Variants in DNM3 observed in about 807,000 individuals in gnomAD.
DNM3 encodes dynamin 3.
Under a neutral mutation model 101.6 loss-of-function variants are expected in DNM3, and 47 were observed. That is an observed-to-expected ratio of 0.46 (90% CI 0.37 to 0.59). The LOEUF (loss-of-function observed/expected upper bound fraction) is 0.59, where lower values mean the gene tolerates loss of function less well. Among genes scored for constraint, DNM3 ranks in the 20% least tolerant of loss-of-function variants. The probability of loss-of-function intolerance (pLI) is 0.00; values close to 1 mark genes in which losing one functional copy is unlikely to be tolerated. For missense variants in DNM3, 849 were observed against 1,085.7 expected, an observed-to-expected ratio of 0.78 and a Z score of 3.06; for synonymous variants, 385 against 387.9, an observed-to-expected ratio of 0.99 and a Z score of 0.09.
chr1:172,289,562 C>T, intron 15 of DNM3: 2 of 943,592 alleles, frequency 2.1e-6, no homozygotes, highest in Non-Finnish European at 2.5e-6. Flanking sequence ...ATATTTGGTT[C>T]TCCACATTAA....
Position 172,407,885 on chromosome 1 carries a change from A to G in DNM3, c.*44A>G. ...CAATTAATCACTAATGAATTATGCG[A>G]AAGCAACATATTTGATAACCGTTGC... On this transcript the variant is annotated 3_prime_UTR_variant, in exon 21 of 21. Coordinates refer to ENST00000627582, the MANE Select transcript of DNM3 (RefSeq NM_015569.5). 6.2e-7 allele frequency: 1 copy of G among 1,612,416 alleles called. No individual in the cohort carries two copies. The highest frequency in any genetic ancestry group is 8.5e-7 in the Non-Finnish European group (1 of 1,178,796).
At chr1:172,389,067 C>T in intron 20 of DNM3, 1 of 501,548 alleles carries the variant, frequency 2.0e-6, no homozygotes, top group South Asian at 2.7e-5. Flanking sequence ...CAATGAATGA[C>T]ATTTTGGCAG....
intron 14 of DNM3, chr1:172,144,582 GC>G: frequency 1.9e-6 from 1 of 532,746 alleles, no homozygotes; most frequent in South Asian, 1.4e-5. Flanking sequence ...CTGTACAACG[GC>G]ATTGTCCTGA....
At chr1:171,937,886 T>C (rs1034970225) in intron 2 of DNM3, among the ~76,000 whole-genome samples, 1 of 152,174 alleles carries the variant, frequency 6.6e-6, no homozygotes, top group African/African-American at 2.4e-5. Context: ...CCTGGCCAGA[T>C]CTGCATTTTC....
chr1:172,167,048 T>C (rs2058772033), intron 14 of DNM3, among the ~76,000 whole-genome samples: 1 of 152,028 alleles, frequency 6.6e-6, no homozygotes, highest in Non-Finnish European at 1.5e-5. Context: ...TAGGTATATC[T>C]CCTAATGCTA....
intron 1 of DNM3, among the ~76,000 whole-genome samples, chr1:171,849,885 A>G (rs1331193473): frequency 6.6e-6 from 1 of 152,236 alleles, no homozygotes; most frequent in Admixed American, 6.5e-5. Context: ...TAATGAACAA[A>G]ATAGACTTAA....
chr1:172,244,055 C>T (rs2061850437), intron 14 of DNM3, among the ~76,000 whole-genome samples: 1 of 152,092 alleles, frequency 6.6e-6, no homozygotes, highest in African/African-American at 2.4e-5. Flanking sequence ...GTGATATTCC[C>T]CTTCCTGTGT....
intron 2 of DNM3, among the ~76,000 whole-genome samples, chr1:171,983,253 G>A (rs530929421): frequency 3.3e-5 from 5 of 151,866 alleles, no homozygotes; most frequent in South Asian, 2.1e-4. Flanking sequence ...CCAAGAGGTC[G>A]AGACCAGCCC....
intron 4 of DNM3, 105 bp downstream of exon 4, chr1:171,989,253 T>C (rs2045478898): frequency 5.4e-6 from 5 of 929,392 alleles, no homozygotes. Context: ...ATAAATAAAT[T>C]AGCCATTATT....
intron 1 of DNM3, among the ~76,000 whole-genome samples, chr1:171,850,427 C>G (rs550709443): frequency 1.3e-5 from 2 of 152,004 alleles, no homozygotes; most frequent in South Asian, 4.2e-4. Context: ...GGTTTAGAAC[C>G]CTGTATATGT....
chr1:172,318,509 T>A (rs533839432), intron 16 of DNM3, among the ~76,000 whole-genome samples: 2 of 152,302 alleles, frequency 1.3e-5, no homozygotes, highest in East Asian at 3.9e-4. Flanking sequence ...GCCCAAAATC[T>A]CCTTAAGCTG....
intron 18 of DNM3, among the ~76,000 whole-genome samples, chr1:172,384,604 A>C (rs933747840): frequency 6.6e-6 from 1 of 152,254 alleles, no homozygotes; most frequent in African/African-American, 2.4e-5. Context: ...CCAGTGTGTC[A>C]TAATTGCTGT....
rs1348762016 is a variant in DNM3 at position 172,073,169 on chromosome 1, C to T, written c.1422+4264C>T. Among the ~76,000 whole-genome samples, 4 of 151,872 alleles carry T rather than the reference C, an allele frequency of 2.6e-5. No homozygotes were observed. In the East Asian group the frequency reaches 7.8e-4, roughly 29 times the overall value. ...ATAGATATACACACACATACACAAA[C>T]ACACATATATGTATATATAGTGTAT... On this transcript the variant is annotated intron_variant, in intron 11 of 20. Coordinates refer to ENST00000627582, the MANE Select transcript of DNM3 (RefSeq NM_015569.5).
At chr1:172,372,022 G>A (rs1469369013) in intron 17 of DNM3, among the ~76,000 whole-genome samples, 3 of 146,080 alleles carry the variant, frequency 2.1e-5, no homozygotes, top group Non-Finnish European at 4.5e-5. Flanking sequence ...CCACTAACTC[G>A]TCATCTAGCA....
intron 1 of DNM3, among the ~76,000 whole-genome samples, chr1:171,899,111 A>G (rs571438491): frequency 2.0e-5 from 3 of 152,304 alleles, no homozygotes; most frequent in Admixed American, 6.5e-5. Flanking sequence ...GCCCAGCTGC[A>G]AGAGCAGTGG....
At chr1:172,200,337 G>C (rs1033883314) in intron 14 of DNM3, among the ~76,000 whole-genome samples, 1 of 152,134 alleles carries the variant, frequency 6.6e-6, no homozygotes, top group South Asian at 2.1e-4. Context: ...TGCCTTTGAA[G>C]TTCTTTCTTT....
chr1:171,905,546 A>C (rs2038748975), intron 1 of DNM3, among the ~76,000 whole-genome samples: 1 of 152,026 alleles, frequency 6.6e-6, no homozygotes, highest in African/African-American at 2.4e-5. Flanking sequence ...CCTGAGGGAG[A>C]CCTGTCTCAA....
intron 1 of DNM3, among the ~76,000 whole-genome samples, chr1:171,842,528 G>A (rs943569753): frequency 6.6e-6 from 1 of 152,196 alleles, no homozygotes; most frequent in Non-Finnish European, 1.5e-5. Context: ...TTGTGAGAGA[G>A]CCCGAGGCAC....
At chr1:171,994,046 CAT>C (rs1470553108) in intron 4 of DNM3, among the ~76,000 whole-genome samples, 1 of 151,600 alleles carries the variant, frequency 6.6e-6, no homozygotes, top group East Asian at 1.9e-4. Flanking sequence ...GTTTTTAAAA[CAT>C]ATTTAAAATA....
Sources: allele counts gnomAD v4.1 joint callset (sites outside exome capture counted in the v4.1 genomes callset), GRCh38; gene constraint gnomAD v4.1.1; transcripts MANE v1.5; gene names NCBI Gene and HGNC (gene_info 2026-07-23, HGNC 2026-07-21).